Variants in SEMA3A observed in about 807,000 individuals in gnomAD.
The protein encoded by SEMA3A is semaphorin 3A, also known as semaphorin-3A.
A neutral mutation model predicts 97.9 loss-of-function variants in SEMA3A; 29 were observed. The ratio of observed to expected loss-of-function variants is 0.30; its 90% CI spans 0.22 to 0.40. The LOEUF (loss-of-function observed/expected upper bound fraction) is 0.40, where lower values mean the gene tolerates loss of function less well. SEMA3A is among the 10% of genes least tolerant of loss of function. The probability of loss-of-function intolerance (pLI) is 1.00; values close to 1 mark genes in which losing one functional copy is unlikely to be tolerated. For missense variants in SEMA3A, 763 were observed against 951.3 expected, an observed-to-expected ratio of 0.80 and a Z score of 2.60; for synonymous variants, 321 against 323.7, an observed-to-expected ratio of 0.99 and a Z score of 0.09.
At chr7:84,181,987 GT>G (rs1797748855) in intron 1 of SEMA3A, among the ~76,000 whole-genome samples, 1 of 152,074 alleles carries the variant, frequency 6.6e-6, no homozygotes, top group Non-Finnish European at 1.5e-5. Context: ...TCTGACTGTG[GT>G]TAGTGTCACC....
intron 1 of SEMA3A, among the ~76,000 whole-genome samples, chr7:84,168,116 G>A (rs1216332176): frequency 2.6e-5 from 4 of 151,956 alleles, no homozygotes; most frequent in South Asian, 4.1e-4. Flanking sequence ...TAATTTATAC[G>A]CAAGTGAAAT....
At chr7:84,028,704 A>C (rs911690850) in intron 6 of SEMA3A, among the ~76,000 whole-genome samples, 1 of 152,184 alleles carries the variant, frequency 6.6e-6, no homozygotes, top group Non-Finnish European at 1.5e-5. Context: ...ACCTGGGTTC[A>C]CGTGATTCTC....
intron 4 of SEMA3A, among the ~76,000 whole-genome samples, chr7:84,077,722 A>G (rs1794002635): frequency 6.6e-6 from 1 of 152,082 alleles, no homozygotes; most frequent in African/African-American, 2.4e-5. Flanking sequence ...CAATTCTGTC[A>G]ATTCTTAGCG....
intron 1 of SEMA3A, among the ~76,000 whole-genome samples, chr7:84,469,769 G>A (rs1584347284): frequency 2.6e-5 from 4 of 152,082 alleles, no homozygotes; most frequent in African/African-American, 9.6e-5. Flanking sequence ...TTACAAAATG[G>A]TTTAATTACT....
At chr7:84,271,752 G>T (rs959604563) in intron 3 of SEMA3A, among the ~76,000 whole-genome samples, 1 of 152,138 alleles carries the variant, frequency 6.6e-6, no homozygotes, top group Non-Finnish European at 1.5e-5. Flanking sequence ...AGGCAATGGA[G>T]TGGGCACAGA....
At chr7:84,148,758 G>A (rs1336780475) in intron 1 of SEMA3A, among the ~76,000 whole-genome samples, 1 of 152,104 alleles carries the variant, frequency 6.6e-6, no homozygotes, top group Non-Finnish European at 1.5e-5. Flanking sequence ...TCCTCCTCCA[G>A]CTACTCGACA....
chr7:84,135,420 T>C (rs1479758274), intron 1 of SEMA3A, among the ~76,000 whole-genome samples: 2 of 152,042 alleles, frequency 1.3e-5, no homozygotes, highest in Non-Finnish European at 2.9e-5. Flanking sequence ...CTGCATTTTA[T>C]TAAAATGAGA....
chr7:83,987,320 G>A (rs867905833), intron 12 of SEMA3A, among the ~76,000 whole-genome samples: 6 of 152,118 alleles, frequency 3.9e-5, no homozygotes, highest in Admixed American at 6.6e-5. Flanking sequence ...TCTGAGGATA[G>A]TTGACAATGA....
chr7:84,491,196 T>C (rs1171365001), intron 1 of SEMA3A, among the ~76,000 whole-genome samples: 1 of 152,040 alleles, frequency 6.6e-6, no homozygotes, highest in Non-Finnish European at 1.5e-5. Context: ...AGTTAGAAAA[T>C]AAAAACAAAA....
At chr7:84,430,819 G>GTGTGTGTA (rs149621698) in intron 1 of SEMA3A, among the ~76,000 whole-genome samples, 3,283 of 148,388 alleles carry the variant, frequency 0.022, 121 homozygotes, top group African/African-American at 0.075. Context: ...GTGTGTGTGT[G>GTGTGTGTA]TGTATTTAGA....
chr7:84,421,759 C>A (rs1804600835), intron 1 of SEMA3A, among the ~76,000 whole-genome samples: 1 of 152,040 alleles, frequency 6.6e-6, no homozygotes, highest in African/African-American at 2.4e-5. Context: ...GCCTTTTCTG[C>A]ATCTATTCAG....
intron 3 of SEMA3A, among the ~76,000 whole-genome samples, chr7:84,283,334 G>T (rs1054540260): frequency 6.6e-6 from 1 of 152,042 alleles, no homozygotes; most frequent in African/African-American, 2.4e-5. Context: ...AACTTCTAAA[G>T]TAATGTATCA....
At chr7:83,964,596 C>T (rs1008484688) in intron 15 of SEMA3A, among the ~76,000 whole-genome samples, 1 of 152,182 alleles carries the variant, frequency 6.6e-6, no homozygotes, top group Admixed American at 6.5e-5. Context: ...CTTCATTCCA[C>T]CTTCTACCTT....
chr7:84,011,464 C>T (rs544838492), intron 7 of SEMA3A, among the ~76,000 whole-genome samples, 167 bp from the exon 8 acceptor site: 6 of 152,246 alleles, frequency 3.9e-5, no homozygotes, highest in East Asian at 1.9e-4. Flanking sequence ...CTTATTGTTA[C>T]ATTTGTGGTC....
At chr7:84,195,091 G>A (rs891530059), upstream of SEMA3A, 2 of 152,294 alleles carry the variant, frequency 1.3e-5, no homozygotes, top group African/African-American at 2.4e-5. Context: ...TACGCATGTA[G>A]AGGGAGATGA....
chr7:84,141,944 G>A (rs968643328), intron 1 of SEMA3A, among the ~76,000 whole-genome samples: 5 of 151,922 alleles, frequency 3.3e-5, no homozygotes, highest in African/African-American at 4.8e-5. Context: ...TTGAGCTTTG[G>A]ACAACTCGTA....
intron 1 of SEMA3A, among the ~76,000 whole-genome samples, chr7:84,491,867 T>C (rs1376560810): frequency 6.6e-6 from 1 of 152,106 alleles, no homozygotes; most frequent in Non-Finnish European, 1.5e-5. Flanking sequence ...AAATGACCTT[T>C]TGTTTTGTTT....
intron 3 of SEMA3A, among the ~76,000 whole-genome samples, chr7:84,228,726 C>A (rs1334688590): frequency 6.6e-6 from 1 of 152,090 alleles, no homozygotes; most frequent in Non-Finnish European, 1.5e-5. Context: ...AAGTTAAGTA[C>A]CATGTTCATT....
At chr7:84,071,272 G>C (rs1793729572) in intron 4 of SEMA3A, among the ~76,000 whole-genome samples, 1 of 151,954 alleles carries the variant, frequency 6.6e-6, no homozygotes, top group South Asian at 2.1e-4. Flanking sequence ...AACAACACGT[G>C]TCCAAATTCT....
Sources: gnomAD v4.1 joint callset for allele counts (sites outside exome capture counted in the v4.1 genomes callset) on GRCh38, gnomAD v4.1.1 for gene constraint, MANE v1.5 for transcripts, NCBI Gene and HGNC (gene_info 2026-07-23, HGNC 2026-07-21) for gene names.